The following TRAPPC9 variants were observed in gnomAD, a reference collection of about 807,000 sequenced individuals.
TRAPPC9 encodes trafficking protein particle complex subunit 9.
In TRAPPC9, 83 loss-of-function variants were observed where a neutral mutation model predicts 124.0. The observed-to-expected ratio is 0.67, with a 90% CI of 0.56 to 0.80. The LOEUF (loss-of-function observed/expected upper bound fraction) is 0.80, where lower values mean the gene tolerates loss of function less well. Ranked by LOEUF, TRAPPC9 falls within the 30% of genes least tolerant of loss-of-function variation. The pLI is 0.00. For synonymous variants in TRAPPC9, 638 were observed against 617.5 expected (o/e 1.03, Z -0.49); for missense variants, 1,302 against 1,508.3 (o/e 0.86, Z 2.27).
intron 12 of TRAPPC9, among the ~76,000 whole-genome samples, chr8:140,288,152 G>A (rs1362140927): frequency 1.3e-5 from 2 of 152,134 alleles, no homozygotes; most frequent in Admixed American, 1.3e-4. Context: ...GACCAACCTG[G>A]GCAACACAGT....
intron 17 of TRAPPC9, among the ~76,000 whole-genome samples, chr8:140,199,123 AG>A (rs1344774983): frequency 6.6e-6 from 1 of 152,174 alleles, no homozygotes; most frequent in African/African-American, 2.4e-5. Flanking sequence ...TATGGCTCAC[AG>A]CTTCTCAAAG....
At chr8:139,985,454 G>C (rs544330178) in intron 19 of TRAPPC9, among the ~76,000 whole-genome samples, 18 of 152,254 alleles carry the variant, frequency 1.2e-4, no homozygotes, top group Non-Finnish European at 5.9e-5. Context: ...AGGATGCATC[G>C]ATGCTCCCTG....
rs1046361245 is a variant in TRAPPC9, at chr8:140,026,715, G to T, written c.2557-2636C>A. Among the ~76,000 whole-genome samples the T allele has an allele frequency of 1.4e-4, 22 of 152,006 alleles. No individual in the cohort carries two copies. In the East Asian group the frequency reaches 4.1e-3, roughly 28 times the overall value. On this transcript the variant is annotated intron_variant, in intron 17 of 22. Transcript: ENST00000438773. ...AAATCCCCTCTCACCACTCCTATAG[G>T]TATATTTCATGACTACATATTGACA... is the stretch of plus-strand genomic sequence containing the variant.
rs371013454 is a variant in TRAPPC9, at chr8:140,367,514, T to TG, written c.1351+3449dup. On this transcript the variant is annotated intron_variant, in intron 8 of 22. Coordinates refer to ENST00000438773, the MANE Select transcript of TRAPPC9 (RefSeq NM_001160372.4). ...GTATGATTCCAACTATATGACACTC[T>TG]GGAAAGGCAAAACTATGGAGACAGT... Among the ~76,000 whole-genome samples the TG allele has an allele frequency of 5.5e-4, 83 of 152,286 alleles. No individual in the cohort carries two copies. In the East Asian group the frequency reaches 0.015, roughly 28 times the overall value.
chr8:140,144,125 C>CTATTAA (rs2061421833), intron 17 of TRAPPC9, among the ~76,000 whole-genome samples: 1 of 152,156 alleles, frequency 6.6e-6, no homozygotes, highest in Non-Finnish European at 1.5e-5. Context: ...GGCCAAGACC[C>CTATTAA]CTTAACTTGG....
At chr8:139,769,050 C>T (rs528787397) in intron 21 of TRAPPC9, among the ~76,000 whole-genome samples, 13 of 152,272 alleles carry the variant, frequency 8.5e-5, no homozygotes, top group East Asian at 3.9e-4. Flanking sequence ...CTATGAATTT[C>T]GAGACTCCAC....
At chr8:139,866,684 G>T (rs1411503723) in intron 21 of TRAPPC9, among the ~76,000 whole-genome samples, 1 of 152,220 alleles carries the variant, frequency 6.6e-6, no homozygotes, top group African/African-American at 2.4e-5. Flanking sequence ...ATAAGGAACT[G>T]TGCAGTGGTG....
chr8:140,083,374 G>A (rs1327504681), intron 17 of TRAPPC9, among the ~76,000 whole-genome samples: 2 of 152,084 alleles, frequency 1.3e-5, no homozygotes, highest in Non-Finnish European at 2.9e-5. Flanking sequence ...TGATAACATC[G>A]CTGACAGTCT....
At chr8:139,973,967 C>G (rs2131622751) in intron 19 of TRAPPC9, among the ~76,000 whole-genome samples, 1 of 152,250 alleles carries the variant, frequency 6.6e-6, no homozygotes, top group East Asian at 1.9e-4. Flanking sequence ...GGCAGGTGAG[C>G]AAGGGCAGAG....
At chr8:140,035,994 C>T (rs1481878557) in intron 17 of TRAPPC9, among the ~76,000 whole-genome samples, 2 of 152,184 alleles carry the variant, frequency 1.3e-5, no homozygotes, top group African/African-American at 4.8e-5. Flanking sequence ...CTCCAGTGGC[C>T]CTTTCCACCT....
intron 6 of TRAPPC9, 73 bp from the exon 7 acceptor site, chr8:140,397,818 T>C: frequency 6.3e-7 from 1 of 1,591,672 alleles, no homozygotes; most frequent in East Asian, 2.2e-5. Context: ...AAGGCTGTGC[T>C]ACTGGGACTC....
intron 19 of TRAPPC9, among the ~76,000 whole-genome samples, chr8:139,917,259 C>T (rs546825836): frequency 6.3e-5 from 9 of 142,110 alleles, no homozygotes; most frequent in Admixed American, 2.2e-4. Context: ...CTGCAAGCTC[C>T]GCCTCCCAGG....
intron 17 of TRAPPC9, among the ~76,000 whole-genome samples, chr8:140,038,531 T>G (rs149775081): frequency 5.1e-4 from 78 of 152,204 alleles, no homozygotes; most frequent in African/African-American, 1.7e-3. Context: ...TGACACAAGG[T>G]GTGTGTGGAT....
intron 9 of TRAPPC9, among the ~76,000 whole-genome samples, chr8:140,315,233 C>CTTTTTTTTTTTTTTTTTT (rs61220260): frequency 9.3e-6 from 1 of 107,178 alleles, no homozygotes; most frequent in African/African-American, 3.5e-5. Flanking sequence ...ATTTGTATGT[C>CTTTTTTTTTTTTTTTTTT]TTTTTTTTTT....
At chr8:140,458,000 G>A (rs1274210772), upstream of TRAPPC9, among the ~76,000 whole-genome samples, 5 of 135,458 alleles carry the variant, frequency 3.7e-5, no homozygotes, top group Non-Finnish European at 3.2e-5. Context: ...GCGGGGACGG[G>A]GAGGGAGGAG....
rs182527549 is a variant in TRAPPC9 at position 140,173,694 on chromosome 8, C to T, written c.2556+47765G>A. Among the ~76,000 whole-genome samples, 207 of 152,318 alleles carry T rather than the reference C, an allele frequency of 1.4e-3. 3 individuals are homozygous for T. The Middle Eastern group carries it at 0.02, about 15-fold the overall frequency. On this transcript the variant is annotated intron_variant, in intron 17 of 22. Transcript: ENST00000438773. ...AGGGGACTCGCTTGCCCCATGCAAG[C>T]ATTTGCTCACCCCAGTCTAAGATAT...
intron 16 of TRAPPC9, among the ~76,000 whole-genome samples, chr8:140,239,672 T>TC (rs1382432881): frequency 6.6e-6 from 1 of 152,222 alleles, no homozygotes; most frequent in Non-Finnish European, 1.5e-5. Flanking sequence ...CGCCAGGTCC[T>TC]CTGCTCTCGC....
chr8:140,199,904 A>C (rs2062750330), intron 17 of TRAPPC9, among the ~76,000 whole-genome samples: 1 of 152,182 alleles, frequency 6.6e-6, no homozygotes, highest in Non-Finnish European at 1.5e-5. Flanking sequence ...CTAAAGATAA[A>C]AGGAACTGCA....
chr8:139,753,478 G>A (rs917135953), intron 21 of TRAPPC9, among the ~76,000 whole-genome samples: 10 of 151,990 alleles, frequency 6.6e-5, no homozygotes, highest in Admixed American at 1.3e-4. Flanking sequence ...CCCAATAGCC[G>A]TTCATGCGTT....
Sources: gnomAD v4.1 joint callset for allele counts (sites outside exome capture counted in the v4.1 genomes callset) on GRCh38, gnomAD v4.1.1 for gene constraint, MANE v1.5 for transcripts, NCBI Gene and HGNC (gene_info 2026-07-23, HGNC 2026-07-21) for gene names.